The following CDH12 variants were observed in gnomAD, a reference collection of about 807,000 sequenced individuals.
The protein encoded by CDH12 is cadherin-12.
In CDH12, 41 loss-of-function variants were observed where a neutral mutation model predicts 74.1. The observed-to-expected ratio is 0.55, with a 90% CI of 0.43 to 0.72. CDH12 has a LOEUF of 0.72. Among genes scored for constraint, CDH12 ranks in the 30% least tolerant of loss-of-function variants. The pLI, the probability that CDH12 is intolerant of heterozygous loss-of-function variation, is 0.00. For synonymous variants in CDH12, 399 were observed against 355.0 expected (o/e 1.12, Z -1.39); for missense variants, 945 against 977.2 (o/e 0.97, Z 0.44).
At chr5:22,425,158 T>TATATATAAAA (rs1554039883) in intron 2 of CDH12, among the ~76,000 whole-genome samples, 3 of 132,432 alleles carry the variant, frequency 2.3e-5, no homozygotes, top group African/African-American at 8.5e-5. Context: ...TGTGTGTATA[T>TATATATAAAA]ATATATATAT....
At chr5:22,744,501 T>C (rs1055610934) in intron 1 of CDH12, among the ~76,000 whole-genome samples, 23 of 152,178 alleles carry the variant, frequency 1.5e-4, no homozygotes, top group African/African-American at 4.1e-4. Flanking sequence ...ATTCATCTCA[T>C]TGATAATGAA....
intron 1 of CDH12, among the ~76,000 whole-genome samples, chr5:22,599,865 T>C (rs1416869588): frequency 6.6e-6 from 1 of 152,218 alleles, no homozygotes; most frequent in Middle Eastern, 3.2e-3. Context: ...TCATATATTG[T>C]ACATCCTTTG....
chr5:21,947,714 G>A (rs2355268), intron 6 of CDH12, among the ~76,000 whole-genome samples: 1 of 152,212 alleles, frequency 6.6e-6, no homozygotes, highest in Non-Finnish European at 1.5e-5. Flanking sequence ...ACAAGAAGCC[G>A]AATGTTGTTA....
chr5:22,466,942 C>T (rs886496766), intron 2 of CDH12, among the ~76,000 whole-genome samples: 2 of 151,748 alleles, frequency 1.3e-5, no homozygotes, highest in Admixed American at 6.6e-5. Flanking sequence ...GCACGTGCCG[C>T]CAAGGCCTGC....
chr5:21,895,201 G>A (rs1362040153), intron 6 of CDH12, among the ~76,000 whole-genome samples: 1 of 152,068 alleles, frequency 6.6e-6, no homozygotes, highest in Non-Finnish European at 1.5e-5. Context: ...CTTCCAAAGT[G>A]ATTGGAGAGA....
chr5:22,364,725 T>C (rs541192735), intron 3 of CDH12, among the ~76,000 whole-genome samples: 1 of 152,280 alleles, frequency 6.6e-6, no homozygotes, highest in African/African-American at 2.4e-5. Context: ...AAATGAAAAA[T>C]GCACCAATGT....
chr5:22,782,258 T>G (rs2126351594), intron 1 of CDH12, among the ~76,000 whole-genome samples: 1 of 152,162 alleles, frequency 6.6e-6, no homozygotes, highest in South Asian at 2.1e-4. Flanking sequence ...AATAATATGG[T>G]TTGGCTCTGT....
rs563731759 is a variant in CDH12, at chr5:22,243,791, T to C, written c.-332-31148A>G. Among the ~76,000 whole-genome samples, 6 of 152,328 alleles carry C rather than the reference T, an allele frequency of 3.9e-5. No homozygotes were observed. In the South Asian group the frequency reaches 1.2e-3, roughly 32 times the overall value. On this transcript the variant is annotated intron_variant, in intron 3 of 14. Transcript: ENST00000382254. ...ACAATGTGTAATCTTGGAAAAATTA[T>C]TTAATGCCTCAGAGTCTCAGTGTCC... is the stretch of plus-strand genomic sequence containing the variant.
intron 6 of CDH12, chr5:21,883,044 A>C: frequency 6.2e-7 from 1 of 1,610,630 alleles, no homozygotes; most frequent in Non-Finnish European, 8.5e-7. Context: ...TGATGCTGTA[A>C]TTGCTGAACT....
chr5:22,559,962 T>C (rs1483862940), intron 1 of CDH12, among the ~76,000 whole-genome samples: 1 of 152,174 alleles, frequency 6.6e-6, no homozygotes, highest in Non-Finnish European at 1.5e-5. Context: ...CTTTAGTCCT[T>C]TACCTTGCAT....
intron 14 of CDH12, among the ~76,000 whole-genome samples, chr5:21,754,293 C>G (rs1265438434): frequency 3.3e-5 from 5 of 152,028 alleles, no homozygotes. Context: ...TTGACTCTTA[C>G]AACTTTCAAA....
intron 2 of CDH12, among the ~76,000 whole-genome samples, chr5:22,482,393 A>C (rs1250772656): frequency 6.6e-6 from 1 of 152,172 alleles, no homozygotes; most frequent in African/African-American, 2.4e-5. Flanking sequence ...ATTTATTATC[A>C]AGAAAAAAAT....
intron 6 of CDH12, among the ~76,000 whole-genome samples, chr5:21,971,328 G>C (rs996775111): frequency 6.6e-6 from 1 of 151,610 alleles, no homozygotes; most frequent in Non-Finnish European, 1.5e-5. Context: ...TATCCACAGG[G>C]GTTATTAAGT....
chr5:22,650,929 A>G (rs1293499498), intron 1 of CDH12, among the ~76,000 whole-genome samples: 2 of 152,016 alleles, frequency 1.3e-5, no homozygotes, highest in South Asian at 4.1e-4. Context: ...ACGAGAGGCG[A>G]TAACTGTTAA....
chr5:21,929,922 C>A (rs1289672096), intron 6 of CDH12, among the ~76,000 whole-genome samples: 1 of 152,164 alleles, frequency 6.6e-6, no homozygotes, highest in Non-Finnish European at 1.5e-5. Context: ...CCTAGATAAT[C>A]CCACAGCCCA....
intron 5 of CDH12, among the ~76,000 whole-genome samples, chr5:22,021,045 G>A (rs2150161362): frequency 6.6e-6 from 1 of 152,256 alleles, no homozygotes; most frequent in Admixed American, 6.5e-5. Flanking sequence ...GACGAGAAGT[G>A]TTTTGAATTT....
intron 6 of CDH12, among the ~76,000 whole-genome samples, chr5:21,966,410 A>G (rs1383757581): frequency 6.6e-6 from 1 of 152,036 alleles, no homozygotes; most frequent in African/African-American, 2.4e-5. Flanking sequence ...ACAGAAATGA[A>G]TAAGTGTAAC....
At chr5:21,897,753 A>G (rs1314404799) in intron 6 of CDH12, among the ~76,000 whole-genome samples, 1 of 152,214 alleles carries the variant, frequency 6.6e-6, no homozygotes, top group East Asian at 1.9e-4. Context: ...TATCAGAGCT[A>G]TTTTGAAAAT....
chr5:21,967,656 C>G (rs957675395), intron 6 of CDH12, among the ~76,000 whole-genome samples: 2 of 152,160 alleles, frequency 1.3e-5, no homozygotes, highest in Non-Finnish European at 2.9e-5. Context: ...TTTAGGGACA[C>G]GCTGTGCTGC....
Sources: allele counts gnomAD v4.1 joint callset (sites outside exome capture counted in the v4.1 genomes callset), GRCh38; gene constraint gnomAD v4.1.1; transcripts MANE v1.5; gene names NCBI Gene and HGNC (gene_info 2026-07-23, HGNC 2026-07-21).